The following NPSR1 variants were observed in gnomAD, a reference collection of about 807,000 sequenced individuals.
The protein encoded by NPSR1 is neuropeptide S receptor.
NPSR1 carries 48 observed loss-of-function variants against 46.9 expected under a neutral mutation model. That is an observed-to-expected ratio of 1.02 (90% CI 0.81 to 1.30). The LOEUF (loss-of-function observed/expected upper bound fraction) is 1.30. Among genes scored for constraint, NPSR1 ranks in the 50% most tolerant of loss-of-function variants. The pLI is 0.00. For synonymous variants in NPSR1, 176 were observed against 168.1 expected (o/e 1.05, Z -0.36); for missense variants, 450 against 449.5 (o/e 1.00, Z -0.01).
intron 2 of NPSR1, among the ~76,000 whole-genome samples, chr7:34,739,496 G>A (rs1269812433): frequency 6.6e-6 from 1 of 152,164 alleles, no homozygotes; most frequent in Non-Finnish European, 1.5e-5. Flanking sequence ...TAATGATGGT[G>A]AGCATTTTTT....
intron 2 of NPSR1, among the ~76,000 whole-genome samples, chr7:34,687,402 G>A (rs1792992061): frequency 3.9e-5 from 6 of 152,194 alleles, no homozygotes; most frequent in Admixed American, 3.9e-4. Flanking sequence ...ATAAAGGAAA[G>A]AGGTTTAGTT....
intron 3 of NPSR1, among the ~76,000 whole-genome samples, chr7:34,791,971 G>A (rs1055606593): frequency 1.3e-5 from 2 of 152,050 alleles, no homozygotes; most frequent in African/African-American, 4.8e-5. Context: ...ATGGGGAAAG[G>A]ACAGTCTCCT....
chr7:34,792,675 G>GTATATATATATT (rs1562733161), intron 3 of NPSR1, among the ~76,000 whole-genome samples: 32 of 81,276 alleles, frequency 3.9e-4, no homozygotes, highest in African/African-American at 1.2e-3. Context: ...TTATATATAT[G>GTATATATATATT]TATATATATA....
At chr7:34,784,916 C>A (rs1787391638) in intron 3 of NPSR1, among the ~76,000 whole-genome samples, 1 of 152,090 alleles carries the variant, frequency 6.6e-6, no homozygotes, top group Non-Finnish European at 1.5e-5. Context: ...AATAGGAACA[C>A]TTTTACACTG....
At chr7:34,856,407 G>T (rs1263226376) in intron 8 of NPSR1, among the ~76,000 whole-genome samples, 1 of 151,504 alleles carries the variant, frequency 6.6e-6, no homozygotes, top group Non-Finnish European at 1.5e-5. Context: ...TGCCCTTGGA[G>T]GCTTCACTGA....
intron 3 of NPSR1, among the ~76,000 whole-genome samples, chr7:34,799,377 T>A (rs1788359142): frequency 6.6e-6 from 1 of 151,862 alleles, no homozygotes; most frequent in African/African-American, 2.4e-5. Context: ...ATTGATAAAT[T>A]TCTAGCCAGG....
intron 2 of NPSR1, among the ~76,000 whole-genome samples, chr7:34,715,154 G>A (rs778676136): frequency 1.3e-5 from 2 of 152,210 alleles, no homozygotes; most frequent in Non-Finnish European, 2.9e-5. Context: ...GAATACAGCA[G>A]AGATATGACG....
chr7:34,689,604 CAAAAAAAAAAAA>C (rs869170591), intron 2 of NPSR1, among the ~76,000 whole-genome samples: 15 of 36,686 alleles, frequency 4.1e-4, no homozygotes, highest in Admixed American at 5.5e-4. Context: ...GACTCTGTCT[CAAAAAAAAAAAA>C]AAAAAAAAAA....
At chr7:34,749,982 G>C (rs936058474) in intron 2 of NPSR1, among the ~76,000 whole-genome samples, 17 of 152,114 alleles carry the variant, frequency 1.1e-4, no homozygotes, top group African/African-American at 4.1e-4. Flanking sequence ...GGGAGGAAGA[G>C]AGTTTTTTTT....
chr7:34,878,227 A>G (rs376739505), exon 9 of NPSR1: 160 of 1,136,686 alleles, frequency 1.4e-4, no homozygotes, highest in Non-Finnish European at 2.0e-4. Flanking sequence ...GCCTGGTGCC[A>G]CTTCTCACTG....
chr7:34,840,397 GC>G (rs1199018622), intron 6 of NPSR1, among the ~76,000 whole-genome samples: 1 of 152,146 alleles, frequency 6.6e-6, no homozygotes, highest in African/African-American at 2.4e-5. Flanking sequence ...GGAGGAAAAC[GC>G]TGTGTGGTGG....
chr7:34,873,314 T>C (rs1179986588), intron 8 of NPSR1, among the ~76,000 whole-genome samples: 1 of 151,826 alleles, frequency 6.6e-6, no homozygotes, highest in Non-Finnish European at 1.5e-5. Flanking sequence ...GTTCCAATGC[T>C]GGATCCACAT....
At chr7:34,725,823 C>T (rs183728575) in intron 2 of NPSR1, among the ~76,000 whole-genome samples, 7 of 152,156 alleles carry the variant, frequency 4.6e-5, no homozygotes, top group Non-Finnish European at 1.0e-4. Flanking sequence ...ATAATCTCCA[C>T]GTGTCAAGGG....
intron 2 of NPSR1, among the ~76,000 whole-genome samples, chr7:34,732,154 G>A (rs1055412993): frequency 1.3e-5 from 2 of 150,854 alleles, no homozygotes; most frequent in South Asian, 4.2e-4. Flanking sequence ...GATACTAAAA[G>A]TCTATCATGT....
chr7:34,750,646 T>C (rs2128723656), intron 2 of NPSR1: 1 of 690,180 alleles, frequency 1.4e-6, no homozygotes, highest in African/African-American at 1.8e-5. Context: ...CCCCATGTTG[T>C]AGCTTGCCCA....
At chr7:34,846,658 C>A (rs1026350419) in intron 7 of NPSR1, among the ~76,000 whole-genome samples, 7 of 151,868 alleles carry the variant, frequency 4.6e-5, no homozygotes, top group African/African-American at 1.7e-4. Flanking sequence ...TTCATGGAGA[C>A]ATAAAAAAAT....
chr7:34,792,703 A>G (rs373001876), intron 3 of NPSR1, among the ~76,000 whole-genome samples: 1,636 of 87,526 alleles, frequency 0.019, 46 homozygotes, highest in African/African-American at 0.026. Flanking sequence ...ATATATACGT[A>G]TATATATATA....
chr7:34,822,674 A>T (rs1789615409), intron 4 of NPSR1, among the ~76,000 whole-genome samples: 1 of 152,256 alleles, frequency 6.6e-6, no homozygotes, highest in Non-Finnish European at 1.5e-5. Context: ...AAAATGAATT[A>T]GTATACGGTG....
At position 34,834,473 on chromosome 7, in the gene NPSR1, T is replaced by A. The variant is rs770395549; in HGVS notation, c.757+13T>A. On this transcript the variant is annotated intron_variant, in intron 6 of 8. Coordinates refer to ENST00000360581, the MANE Select transcript of NPSR1 (RefSeq NM_207172.2). ...TCCAACTGCTCAGGTAAGTCTCTAC[T>A]CTGCATGGCCCAATTCTTGGCTAAT... 7.0e-6 allele frequency: 11 copies of A among 1,580,046 alleles called. No individual in the cohort carries two copies. In the East Asian group the frequency reaches 1.8e-4, roughly 26 times the overall value.
Sources: allele counts gnomAD v4.1 joint callset (sites outside exome capture counted in the v4.1 genomes callset), GRCh38; gene constraint gnomAD v4.1.1; transcripts MANE v1.5; gene names NCBI Gene and HGNC (gene_info 2026-07-23, HGNC 2026-07-21).